The following RBFOX3 variants were observed in gnomAD, a reference collection of about 807,000 sequenced individuals.
RBFOX3 encodes the protein RNA binding protein fox-1 homolog 3.
In RBFOX3, 17 loss-of-function variants were observed where a neutral mutation model predicts 48.7. The ratio of observed to expected loss-of-function variants is 0.35; its 90% CI spans 0.24 to 0.52. The LOEUF is 0.52. Ranked by LOEUF, RBFOX3 falls within the 20% of genes least tolerant of loss-of-function variation. The pLI is 0.94. For missense variants in RBFOX3, 382 were observed against 497.5 expected (o/e 0.77, Z 2.21); for synonymous variants, 212 against 209.5 (o/e 1.01, Z -0.10).
intron 4 of RBFOX3, among the ~76,000 whole-genome samples, chr17:79,178,458 G>A (rs1447679016): frequency 6.6e-6 from 1 of 152,198 alleles, no homozygotes; most frequent in African/African-American, 2.4e-5. Flanking sequence ...AGGAGAAAGC[G>A]ACATGGACTC....
At chr17:79,275,605 G>C (rs1221417580) in intron 3 of RBFOX3, among the ~76,000 whole-genome samples, 1 of 152,100 alleles carries the variant, frequency 6.6e-6, no homozygotes, top group Non-Finnish European at 1.5e-5. Flanking sequence ...AGAAGCACAG[G>C]GGGTATCAGG....
At chr17:79,376,409 C>A (rs1793930270) in intron 2 of RBFOX3, among the ~76,000 whole-genome samples, 1 of 152,102 alleles carries the variant, frequency 6.6e-6, no homozygotes, top group Non-Finnish European at 1.5e-5. Flanking sequence ...CGGCCAGGCA[C>A]CCGCAGGACC....
chr17:79,242,764 G>A lies in RBFOX3; in HGVS notation c.-73-6959C>T, dbSNP rs1173548785. Among the ~76,000 whole-genome samples, 1 of 152,078 alleles carries A rather than the reference G, an allele frequency of 6.6e-6. No homozygotes were observed. The highest frequency in any genetic ancestry group is 1.5e-5 in the Non-Finnish European group (1 of 67,996). On this transcript the variant is annotated intron_variant, in intron 3 of 14. Transcript: ENST00000693108. The surrounding 1 kb of genome is among the most constrained non-coding windows in gnomAD (Gnocchi z 5.8). Reference sequence around the variant, plus strand: ...TGTGGGAAGGGCCACCCCCTTACTGGGCCTCCACAGGGCAGCAGGGCAGGG... The same window carrying A: ...TGTGGGAAGGGCCACCCCCTTACTGAGCCTCCACAGGGCAGCAGGGCAGGG...
intron 4 of RBFOX3, among the ~76,000 whole-genome samples, chr17:79,218,007 A>G (rs2059271859): frequency 6.6e-6 from 1 of 151,742 alleles, no homozygotes; most frequent in South Asian, 2.1e-4. Flanking sequence ...CTGGAAGCTG[A>G]GTGGGAAGTC....
intron 4 of RBFOX3, among the ~76,000 whole-genome samples, chr17:79,135,661 C>A (rs2040022551): frequency 6.6e-6 from 1 of 152,216 alleles, no homozygotes; most frequent in South Asian, 2.1e-4. Flanking sequence ...CATACAGGAT[C>A]TCTGTGGGAC....
chr17:79,422,261 C>A (rs531531047), intron 2 of RBFOX3, among the ~76,000 whole-genome samples: 53 of 152,192 alleles, frequency 3.5e-4, no homozygotes, highest in African/African-American at 1.2e-3. Context: ...CCGACAGCGG[C>A]AGCACAGCCT....
At chr17:79,092,878 G>A (rs949680062) in intron 14 of RBFOX3, among the ~76,000 whole-genome samples, 5 of 152,198 alleles carry the variant, frequency 3.3e-5, no homozygotes, top group African/African-American at 1.2e-4. Context: ...ATGGCCAACA[G>A]TGCTTCTAGG....
intron 4 of RBFOX3, among the ~76,000 whole-genome samples, chr17:79,148,876 C>A (rs573782246): frequency 1.6e-4 from 25 of 152,332 alleles, no homozygotes; most frequent in African/African-American, 6.0e-4. Context: ...ACCACCCTCG[C>A]TGGCACTGAT....
chr17:79,466,583 G>A (rs911642242), intron 2 of RBFOX3, among the ~76,000 whole-genome samples: 4 of 152,202 alleles, frequency 2.6e-5, no homozygotes, highest in African/African-American at 9.7e-5. Context: ...AGTGACCTCA[G>A]GCCATGCATG....
intron 2 of RBFOX3, among the ~76,000 whole-genome samples, chr17:79,424,860 C>A (rs1340029525): frequency 1.3e-5 from 2 of 152,096 alleles, no homozygotes; most frequent in Non-Finnish European, 2.9e-5. Context: ...CAGCCCCTAC[C>A]CATTTAGTCA....
At chr17:79,661,878 T>C in the RBFOX3 span, among the ~76,000 whole-genome samples, 2 of 152,210 alleles carry the variant, frequency 1.3e-5, no homozygotes, top group Non-Finnish European at 2.9e-5. Context: ...TTCCCATTTT[T>C]CTGTGAGCCC....
intron 2 of RBFOX3, among the ~76,000 whole-genome samples, chr17:79,398,376 T>G (rs1168655011): frequency 6.6e-6 from 1 of 152,026 alleles, no homozygotes. Flanking sequence ...CCCCAGAATG[T>G]GGGGACCCAC....
chr17:79,382,836 G>C (rs1297262858), intron 2 of RBFOX3, among the ~76,000 whole-genome samples: 3 of 152,226 alleles, frequency 2.0e-5, no homozygotes, highest in Non-Finnish European at 4.4e-5. Flanking sequence ...CTTGCTGGTG[G>C]ATGCCATCAG....
chr17:79,454,108 C>T (rs117609343), intron 2 of RBFOX3, among the ~76,000 whole-genome samples: 5,109 of 152,170 alleles, frequency 0.034, 111 homozygotes, highest in South Asian at 0.051. Flanking sequence ...CGTCTGGAGC[C>T]CTGCCCCATC....
intron 1 of RBFOX3, among the ~76,000 whole-genome samples, chr17:79,551,407 G>A (rs1393210527): frequency 3.3e-5 from 5 of 152,100 alleles, no homozygotes; most frequent in Admixed American, 6.6e-5. Flanking sequence ...GGTGGAATAA[G>A]TGGATGGATG....
chr17:79,180,271 C>T (rs2051593375), intron 4 of RBFOX3, among the ~76,000 whole-genome samples: 1 of 152,218 alleles, frequency 6.6e-6, no homozygotes, highest in Non-Finnish European at 1.5e-5. Flanking sequence ...AAGGCTCATG[C>T]TTCAGTAGAA....
At chr17:79,633,871 G>A in the RBFOX3 span, among the ~76,000 whole-genome samples, 4 of 152,132 alleles carry the variant, frequency 2.6e-5, no homozygotes, top group Admixed American at 6.5e-5. Context: ...AGACAAACTC[G>A]TATTTTGCTT....
At chr17:79,266,289 C>A (rs1349799682) in intron 3 of RBFOX3, among the ~76,000 whole-genome samples, 2 of 152,186 alleles carry the variant, frequency 1.3e-5, no homozygotes, top group Non-Finnish European at 2.9e-5. Flanking sequence ...CATTTCAGCC[C>A]CTTGAAGGGA....
the RBFOX3 span, among the ~76,000 whole-genome samples, chr17:79,652,161 G>T: frequency 2.6e-5 from 4 of 152,106 alleles, no homozygotes; most frequent in Non-Finnish European, 5.9e-5. Flanking sequence ...GGGGTAATTT[G>T]TGACATAGTA....
Sources: gnomAD v4.1 joint callset for allele counts (sites outside exome capture counted in the v4.1 genomes callset) on GRCh38, gnomAD v4.1.1 for gene constraint, Gnocchi (gnomAD v3.1) non-coding constraint, MANE v1.5 for transcripts, NCBI Gene and HGNC (gene_info 2026-07-23, HGNC 2026-07-21) for gene names.